GRIN2A: variants seen among roughly 807,000 people sequenced by gnomAD.
GRIN2A encodes the protein glutamate receptor ionotropic, NMDA 2A.
Under a neutral mutation model 113.4 loss-of-function variants are expected in GRIN2A, and 22 were observed. The observed-to-expected ratio is 0.19, with a 90% confidence interval of 0.14 to 0.28. The LOEUF is 0.28. Among genes scored for constraint, GRIN2A ranks in the 10% least tolerant of loss-of-function variants. GRIN2A has a pLI of 1.00. For synonymous variants in GRIN2A, 827 were observed against 738.4 expected, an observed-to-expected ratio of 1.12 and a Z score of -1.94; for missense variants, 1,502 against 1,887.0, an observed-to-expected ratio of 0.80 and a Z score of 3.78.
At chr16:10,054,876 TCTCTACTA>T (rs2047418778) in intron 2 of GRIN2A, among the ~76,000 whole-genome samples, 1 of 150,826 alleles carries the variant, frequency 6.6e-6, no homozygotes, top group Non-Finnish European at 1.5e-5. Flanking sequence ...TAAAACCCCA[TCTCTACTA>T]AGAACACAAA....
chr16:9,979,359 C>A (rs1376494805), intron 2 of GRIN2A, among the ~76,000 whole-genome samples: 1 of 152,218 alleles, frequency 6.6e-6, no homozygotes, highest in Non-Finnish European at 1.5e-5. Context: ...CTACAATAGA[C>A]CTTGACAGTT....
At chr16:10,066,857 A>G (rs779086423) in intron 2 of GRIN2A, among the ~76,000 whole-genome samples, 22 of 152,232 alleles carry the variant, frequency 1.4e-4, no homozygotes, top group Non-Finnish European at 2.6e-4. Context: ...CATTATTCAC[A>G]ATAGCCAAAG....
chr16:9,865,452 C>G (rs1415178570), intron 4 of GRIN2A, among the ~76,000 whole-genome samples: 35 of 152,156 alleles, frequency 2.3e-4, no homozygotes, highest in Admixed American at 2.0e-3. Context: ...AATATAGTGG[C>G]AAACACAGCA....
At chr16:10,027,166 T>C (rs1232382473) in intron 2 of GRIN2A, among the ~76,000 whole-genome samples, 1 of 152,172 alleles carries the variant, frequency 6.6e-6, no homozygotes, top group Non-Finnish European at 1.5e-5. Flanking sequence ...GTAGCATTTG[T>C]TACATGAGAA....
At chr16:10,093,704 C>G (rs1472951338) in intron 2 of GRIN2A, among the ~76,000 whole-genome samples, 1 of 152,198 alleles carries the variant, frequency 6.6e-6, no homozygotes, top group Non-Finnish European at 1.5e-5. Context: ...AAACATGTCA[C>G]TGTCACGTGA....
At chr16:9,898,909 G>A (rs552360872) in intron 3 of GRIN2A, among the ~76,000 whole-genome samples, 2 of 151,216 alleles carry the variant, frequency 1.3e-5, no homozygotes, top group East Asian at 2.0e-4. Context: ...CCTCATGGGC[G>A]CAAATGAATC....
At chr16:10,074,293 C>T (rs2047824468) in intron 2 of GRIN2A, among the ~76,000 whole-genome samples, 1 of 152,206 alleles carries the variant, frequency 6.6e-6, no homozygotes, top group African/African-American at 2.4e-5. Context: ...TAAAATGGTA[C>T]AGCTGCTATG....
At chr16:9,894,177 G>C (rs142572512) in intron 3 of GRIN2A, among the ~76,000 whole-genome samples, 10 of 152,298 alleles carry the variant, frequency 6.6e-5, no homozygotes, top group African/African-American at 2.4e-4. Flanking sequence ...ACACACGCTA[G>C]AGGAAGTAGG....
At chr16:10,156,268 T>C (rs1165922013) in intron 2 of GRIN2A, among the ~76,000 whole-genome samples, 2 of 152,258 alleles carry the variant, frequency 1.3e-5, no homozygotes, top group African/African-American at 4.8e-5. Flanking sequence ...CATGCCATAA[T>C]GCTGGGCTGC....
intron 2 of GRIN2A, among the ~76,000 whole-genome samples, chr16:10,040,031 T>A (rs116915881): frequency 6.4e-3 from 8 of 1,248 alleles, no homozygotes; most frequent in South Asian, 0.045. Context: ...CACACAAATA[T>A]ACTACACACA....
intron 2 of GRIN2A, among the ~76,000 whole-genome samples, chr16:10,035,750 G>GAT: frequency 6.7e-6 from 1 of 149,338 alleles, no homozygotes; most frequent in Admixed American, 6.7e-5. Context: ...TTGAGATAGG[G>GAT]TCTCACTCTG....
At chr16:9,822,204 C>T in intron 10 of GRIN2A, 60 bp downstream of exon 10, 2 of 1,554,428 alleles carry the variant, frequency 1.3e-6, no homozygotes, top group Non-Finnish European at 1.8e-6. Flanking sequence ...TGCCGAGAGT[C>T]AATTTCTGTA....
chr16:10,002,874 T>C (rs563428035), intron 2 of GRIN2A, among the ~76,000 whole-genome samples: 1 of 152,328 alleles, frequency 6.6e-6, no homozygotes, highest in South Asian at 2.1e-4. Context: ...CAATGGACTT[T>C]GGAGAAAGGC....
chr16:9,994,472 T>A (rs1313083427), intron 2 of GRIN2A, among the ~76,000 whole-genome samples: 1 of 152,172 alleles, frequency 6.6e-6, no homozygotes, highest in Non-Finnish European at 1.5e-5. Context: ...GAAAGCATTC[T>A]CTTCACTAAG....
At chr16:9,879,118 T>C (rs2043427849) in intron 4 of GRIN2A, among the ~76,000 whole-genome samples, 1 of 152,204 alleles carries the variant, frequency 6.6e-6, no homozygotes, top group Non-Finnish European at 1.5e-5. Context: ...TGTTTTATAA[T>C]GGCTCAATTT....
chr16:9,765,314 T>C (rs1900846929), intron 12 of GRIN2A, among the ~76,000 whole-genome samples: 1 of 152,152 alleles, frequency 6.6e-6, no homozygotes, highest in Non-Finnish European at 1.5e-5. Flanking sequence ...CAAGCTTTCA[T>C]TAAAGTTTCC....
Position 9,886,691 on chromosome 16 carries a change from T to G in GRIN2A, c.1122+4295A>C, listed in dbSNP as rs530089025. Among the ~76,000 whole-genome samples, 3 of 152,172 alleles carry G rather than the reference T, an allele frequency of 2.0e-5. No individual in the cohort carries two copies. In the East Asian group the frequency reaches 5.8e-4, roughly 29 times the overall value. On this transcript the variant is annotated intron_variant, in intron 4 of 12. Coordinates refer to ENST00000330684, the MANE Select transcript of GRIN2A (RefSeq NM_001134407.3). ...TACACAGTAGGCACTTAATAACTAT[T>G]TGTTGAATAAAAAAATGAATAGACG...
intron 2 of GRIN2A, among the ~76,000 whole-genome samples, chr16:10,162,335 G>A (rs2142329090): frequency 6.6e-6 from 1 of 152,278 alleles, no homozygotes; most frequent in South Asian, 2.1e-4. Flanking sequence ...AGAGGAGTGA[G>A]GAGAAGCCTT....
rs2049879924 is a variant in GRIN2A, at chr16:10,164,908, TTC to T, written c.414+15088_414+15089del. Among the ~76,000 whole-genome samples the T allele has an allele frequency of 2.0e-5, 3 of 152,304 alleles. No individual in the cohort carries two copies. The South Asian group carries it at 6.2e-4, about 32-fold the overall frequency. On this transcript the variant is annotated intron_variant, in intron 2 of 12. Transcript: ENST00000330684. ...TTTTTGTCTAGCCAATCAGAAAAAT[TTC>T]TGTTTCAAGAGCCAGCCAGAGTTAA...
Sources: gnomAD v4.1 joint callset for allele counts (sites outside exome capture counted in the v4.1 genomes callset) on GRCh38, gnomAD v4.1.1 for gene constraint, MANE v1.5 for transcripts, NCBI Gene and HGNC (gene_info 2026-07-23, HGNC 2026-07-21) for gene names.